The following NOSIP variants were observed in gnomAD, a reference collection of about 807,000 sequenced individuals.
NOSIP encodes the protein nitric oxide synthase interacting protein, also known as nitric oxide synthase-interacting protein.
NOSIP carries 25 observed loss-of-function variants against 36.4 expected under a neutral mutation model. That is an observed-to-expected ratio of 0.69 (90% CI 0.50 to 0.96). The LOEUF is 0.96. Ranked by LOEUF, NOSIP falls within the 40% of genes least tolerant of loss-of-function variation. NOSIP has a pLI of 0.00. For missense variants in NOSIP, 370 were observed against 429.0 expected, an observed-to-expected ratio of 0.86 and a Z score of 1.21; for synonymous variants, 187 against 179.2, an observed-to-expected ratio of 1.04 and a Z score of -0.35.
intron 1 of NOSIP, among the ~76,000 whole-genome samples, chr19:49,561,710 C>T (rs1028323723): frequency 3.9e-5 from 6 of 151,928 alleles, no homozygotes; most frequent in Non-Finnish European, 5.9e-5. Flanking sequence ...GGTGAAACCC[C>T]GTCTCTACTA....
chr19:49,557,078 A>G lies in NOSIP; in HGVS notation c.418+12T>C, dbSNP rs912016231. The G allele has an allele frequency of 1.2e-6, 2 of 1,608,164 alleles. No individual in the cohort carries two copies. The highest frequency in any genetic ancestry group is 8.5e-7 in the Non-Finnish European group (1 of 1,177,168). On this transcript the variant is annotated intron_variant, in intron 5 of 8. Transcript: ENST00000596358. ...CCGCCCCCCAACCCACAAGAAGCCC[A>G]ACCTGAGTCACCTGGGCTGGTGCCC...
At chr19:49,564,927 CT>C (rs1309699646) in intron 1 of NOSIP, among the ~76,000 whole-genome samples, 1 of 152,156 alleles carries the variant, frequency 6.6e-6, no homozygotes, top group East Asian at 1.9e-4. Context: ...AGAAAACTTA[CT>C]GTATGATCCC....
chr19:49,556,244 A>T, intron 8 of NOSIP, 73 bp downstream of exon 8: 1 of 597,250 alleles, frequency 1.7e-6, no homozygotes, highest in Non-Finnish European at 2.6e-6. Flanking sequence ...GGAGGGGACG[A>T]AGCCTTGGAG....
At chr19:49,576,541 C>T (rs935071865) in intron 1 of NOSIP, among the ~76,000 whole-genome samples, 2 of 151,616 alleles carry the variant, frequency 1.3e-5, no homozygotes, top group Admixed American at 6.6e-5. Flanking sequence ...CGTGCCACTG[C>T]ACCACTGCAC....
At chr19:49,567,835 C>T (rs548204036) in intron 1 of NOSIP, among the ~76,000 whole-genome samples, 1 of 151,956 alleles carries the variant, frequency 6.6e-6, no homozygotes, top group African/African-American at 2.4e-5. Flanking sequence ...CCAGGCCCGG[C>T]TAATTTTTTT....
intron 5 of NOSIP, 43 bp downstream of exon 5, chr19:49,557,047 G>A: frequency 6.3e-7 from 1 of 1,589,938 alleles, no homozygotes. Flanking sequence ...CCCAGCCCGC[G>A]GCGCCCCGCC....
At position 49,555,641 on chromosome 19, in the gene NOSIP, TTGCACGGCCC is replaced by T; in HGVS notation, c.*100_*109del. 3 of 844,628 alleles carry T rather than the reference TTGCACGGCCC, an allele frequency of 3.6e-6. No homozygotes were observed. Among genetic ancestry groups the T allele is most frequent in the Non-Finnish European group, 5.9e-6 (3 of 509,416 alleles). 52.3% of individuals were successfully genotyped at this position (844,628 alleles called of 1,614,324 possible). A position where few individuals can be genotyped will look rare whatever the true frequency, so the allele number is the denominator to read the frequency against. ...CCAGCGTGCGCTGTAGGAGCACTGTTTGCACGGCCCTGCATCCTCGCCTGCCCTGTCCCCG... is the reference window on the plus strand; with the variant it reads ...CCAGCGTGCGCTGTAGGAGCACTGTTTGCATCCTCGCCTGCCCTGTCCCCG... On this transcript the variant is annotated 3_prime_UTR_variant, in exon 9 of 9. Transcript: ENST00000596358.
At chr19:49,570,823 C>T (rs543723946) in intron 1 of NOSIP, among the ~76,000 whole-genome samples, 6 of 152,212 alleles carry the variant, frequency 3.9e-5, no homozygotes, top group Admixed American at 2.6e-4. Context: ...TCCCTTGACC[C>T]TCTGCAGTAT....
chr19:49,576,838 C>G (rs956922495), intron 1 of NOSIP, among the ~76,000 whole-genome samples: 2 of 142,130 alleles, frequency 1.4e-5, no homozygotes, highest in Admixed American at 7.4e-5. Flanking sequence ...GAGCCAAGAT[C>G]GCACCATTGC....
At chr19:49,574,840 C>A (rs1041740523) in intron 1 of NOSIP, among the ~76,000 whole-genome samples, 4 of 151,504 alleles carry the variant, frequency 2.6e-5, no homozygotes, top group Non-Finnish European at 4.4e-5. Context: ...GGATTACAGG[C>A]GTCCACCACC....
At chr19:49,565,884 T>C (rs1397654293) in intron 1 of NOSIP, among the ~76,000 whole-genome samples, 2 of 152,220 alleles carry the variant, frequency 1.3e-5, no homozygotes, top group Admixed American at 1.3e-4. Flanking sequence ...GATTCATCCC[T>C]GAATGAACAC....
intron 5 of NOSIP, 35 bp from the exon 6 acceptor site, chr19:49,557,028 CT>C: frequency 6.3e-7 from 1 of 1,593,712 alleles, no homozygotes; most frequent in African/African-American, 1.3e-5. Flanking sequence ...ATGCCGCCCC[CT>C]GGGCCCGCCC....
chr19:49,556,553 G>T lies in NOSIP; in HGVS notation c.721C>A (p.Pro241Thr), dbSNP rs754728597. 8 of 1,603,538 alleles carry T rather than the reference G, an allele frequency of 5.0e-6. No individual in the cohort carries two copies. In the African/African-American group the frequency reaches 1.1e-4, roughly 21 times the overall value. The change falls in exon 7 of 9, where the codon CCC (proline) becomes ACC (threonine). Residue 241 changes from proline (P) to threonine (T), a missense_variant. Around this residue, in one of 3 missense-constraint regions of NOSIP, gnomAD observed 315 missense variants for 331.9 expected, o/e 0.95. Coordinates refer to ENST00000596358, the MANE Select transcript of NOSIP (RefSeq NM_001270960.2). ...SNATPCAVLR[P>T]SGAVVTLECV... ...CTCCCCTCCCAGGTGACTCACGAGG[G>T]CCGCAGCACAGCGCAGGGGGTGGCG... is the stretch of plus-strand genomic sequence containing the variant.
At chr19:49,573,906 C>CT (rs919954723) in intron 1 of NOSIP, among the ~76,000 whole-genome samples, 1 of 147,904 alleles carries the variant, frequency 6.8e-6, no homozygotes, top group African/African-American at 2.5e-5. Flanking sequence ...GTCACCCGGA[C>CT]TGGAGTGCAG....
At chr19:49,579,520 C>T (rs1568414019) in intron 1 of NOSIP, among the ~76,000 whole-genome samples, 1 of 152,218 alleles carries the variant, frequency 6.6e-6, no homozygotes, top group Non-Finnish European at 1.5e-5. Flanking sequence ...TAACCTTTAA[C>T]TTAGAAATTT....
intron 1 of NOSIP, 142 bp downstream of exon 1, chr19:49,580,373 G>A (rs1014389587): frequency 2.0e-5 from 3 of 151,998 alleles, no homozygotes; most frequent in Non-Finnish European, 4.4e-5. Context: ...TCAAACTTGG[G>A]GCGCCCGGAC....
In NOSIP at chr19:49,560,838, A is replaced by T; in HGVS notation, c.-1-146T>A. 1 of 672,132 alleles carries T rather than the reference A, an allele frequency of 1.5e-6. No homozygotes were observed. The highest frequency in any genetic ancestry group is 2.7e-5 in the East Asian group (1 of 36,544). 41.6% of individuals were successfully genotyped at this position (672,132 alleles called of 1,614,324 possible). A position where few individuals can be genotyped will look rare whatever the true frequency, so the allele number is the denominator to read the frequency against. On this transcript the variant is annotated intron_variant, in intron 1 of 8. Coordinates refer to ENST00000596358, the MANE Select transcript of NOSIP (RefSeq NM_001270960.2). The surrounding 1 kb of genome is among the most constrained non-coding windows in gnomAD (Gnocchi z 4.6). Reference sequence around the variant, plus strand: ...GGGTGAGGTGGAAGAGAGGGAGGGCATGTGGTCGCCAGGCCTCCTCCAGGA... The same window carrying T: ...GGGTGAGGTGGAAGAGAGGGAGGGCTTGTGGTCGCCAGGCCTCCTCCAGGA...
rs771637719 is a variant in NOSIP, at chr19:49,555,691, C to G, written c.*60G>C. On this transcript the variant is annotated 3_prime_UTR_variant, in exon 9 of 9. Coordinates refer to ENST00000596358, the MANE Select transcript of NOSIP (RefSeq NM_001270960.2). ...CCCTGTCCCCGGGGCGCCCACGCCG[C>G]GAATGAAGGCGCCACGTCGTTGCGC... The G allele has an allele frequency of 5.4e-6, 8 of 1,474,832 alleles. No individual in the cohort carries two copies. Among genetic ancestry groups the G allele is most frequent in the Admixed American group, 1.7e-5 (1 of 58,922 alleles). The allele number at this position is 1,474,832 out of a possible 1,614,324, so 91.4% of individuals were successfully genotyped here.
At chr19:49,561,105 G>C (rs2080327763) in intron 1 of NOSIP, among the ~76,000 whole-genome samples, 1 of 152,144 alleles carries the variant, frequency 6.6e-6, no homozygotes, top group Non-Finnish European at 1.5e-5. Context: ...TGTAAGCTCT[G>C]ACTGAGGCCA....
Sources: gnomAD v4.1 joint callset for allele counts (sites outside exome capture counted in the v4.1 genomes callset) on GRCh38, gnomAD v4.1.1 for gene constraint, gnomAD v4.1.1 regional missense constraint, Gnocchi (gnomAD v3.1) non-coding constraint, MANE v1.5 for transcripts, NCBI Gene and HGNC (gene_info 2026-07-23, HGNC 2026-07-21) for gene names.